The following OPHN1 variants were observed in gnomAD, a reference collection of about 807,000 sequenced individuals.
OPHN1 encodes oligophrenin-1.
In OPHN1, 11 loss-of-function variants were observed where a neutral mutation model predicts 60.7. The observed-to-expected ratio is 0.18, with a 90% CI of 0.11 to 0.30. The LOEUF is 0.30. Among genes scored for constraint, OPHN1 ranks in the 10% least tolerant of loss-of-function variants. The pLI is 1.00. For synonymous variants in OPHN1, 226 were observed against 222.6 expected (o/e 1.02, Z -0.14); for missense variants, 449 against 611.0 (o/e 0.73, Z 2.80).
chrX:68,201,567 G>T, intron 11 of OPHN1, 52 bp downstream of exon 11: 1 of 1,013,549 alleles, frequency 9.9e-7, no homozygotes, highest in Non-Finnish European at 1.4e-6. Context: ...ACCTACCCAG[G>T]CTAAGCATCT....
At chrX:68,069,891 C>T (rs748156801) in intron 20 of OPHN1, among the ~76,000 whole-genome samples, 1 of 110,909 alleles carries the variant, frequency 9.0e-6, no homozygotes, top group Non-Finnish European at 1.9e-5. Flanking sequence ...TAAGGACCTG[C>T]AAGAACAATG....
At chrX:68,401,180 A>C (rs1160028676) in intron 2 of OPHN1, among the ~76,000 whole-genome samples, 2 of 111,894 alleles carry the variant, frequency 1.8e-5, no homozygotes, top group Non-Finnish European at 3.8e-5. Flanking sequence ...TTAGATATAC[A>C]GTAATAAATC....
chrX:68,405,312 T>C (rs186609846), intron 2 of OPHN1, among the ~76,000 whole-genome samples: 2,572 of 111,372 alleles, frequency 0.023, 34 homozygotes, highest in Middle Eastern at 0.037. Context: ...CAAGTGAGCC[T>C]CCTGCCTCAG....
chrX:68,277,650 G>A (rs902094388), intron 4 of OPHN1, among the ~76,000 whole-genome samples: 2 of 110,924 alleles, frequency 1.8e-5, no homozygotes, highest in Non-Finnish European at 3.8e-5. Context: ...AACTAGCCGG[G>A]CGAGGTGGCA....
intron 15 of OPHN1, 83 bp downstream of exon 15, chrX:68,192,836 C>T (rs1471108892): frequency 5.2e-6 from 4 of 772,099 alleles, no homozygotes; most frequent in Middle Eastern, 2.9e-4. Context: ...CACATTTTAG[C>T]AGTGTCTCCT....
chrX:68,394,113 T>A (rs1404712830), intron 2 of OPHN1, among the ~76,000 whole-genome samples: 504 of 79,232 alleles, frequency 6.4e-3, no homozygotes, highest in Admixed American at 7.1e-3. Context: ...GCCAGGATGG[T>A]CTCGATCTCC....
intron 10 of OPHN1, among the ~76,000 whole-genome samples, chrX:68,205,397 G>T (rs1464183962): frequency 9.0e-6 from 1 of 111,012 alleles, no homozygotes; most frequent in East Asian, 2.8e-4. Flanking sequence ...GCTGTGAGCC[G>T]AGATTGTGCC....
intron 15 of OPHN1, among the ~76,000 whole-genome samples, chrX:68,122,445 A>T (rs1267958315): frequency 9.0e-6 from 1 of 111,710 alleles, no homozygotes; most frequent in Non-Finnish European, 1.9e-5. Context: ...ACAGATGAAC[A>T]TTCACAAGCA....
At chrX:68,324,437 T>C (rs1415188304) in intron 2 of OPHN1, among the ~76,000 whole-genome samples, 2 of 97,836 alleles carry the variant, frequency 2.0e-5, no homozygotes, top group Admixed American at 2.2e-4. Flanking sequence ...ACTCCGTCTC[T>C]ACAAAAATTA....
At chrX:68,128,851 G>T (rs956225615) in intron 15 of OPHN1, among the ~76,000 whole-genome samples, 2 of 112,032 alleles carry the variant, frequency 1.8e-5, no homozygotes, top group African/African-American at 6.5e-5. Flanking sequence ...AGTAGTATAA[G>T]AATAGTTAGG....
At chrX:68,324,074 C>T (rs1388159421) in intron 2 of OPHN1, among the ~76,000 whole-genome samples, 1 of 111,467 alleles carries the variant, frequency 9.0e-6, no homozygotes. Flanking sequence ...ATAGCTCTTA[C>T]TAATAGAAAC....
At chrX:68,378,177 G>T (rs1326376060) in intron 2 of OPHN1, among the ~76,000 whole-genome samples, 1 of 112,216 alleles carries the variant, frequency 8.9e-6, no homozygotes, top group Non-Finnish European at 1.9e-5. Context: ...TTCTCTGACG[G>T]CCAGTGATGA....
At chrX:68,405,656 G>C (rs963848137) in intron 2 of OPHN1, among the ~76,000 whole-genome samples, 1 of 111,540 alleles carries the variant, frequency 9.0e-6, no homozygotes, top group Non-Finnish European at 1.9e-5. Flanking sequence ...AGCTGCTGCA[G>C]AATAAGTGAT....
At chrX:68,416,033 AATATAT>A (rs1163304135) in intron 2 of OPHN1, among the ~76,000 whole-genome samples, 92 of 29,677 alleles carry the variant, frequency 3.1e-3, no homozygotes, top group East Asian at 0.024. Flanking sequence ...AAAATTATAT[AATATAT>A]ATATATATAT....
intron 19 of OPHN1, among the ~76,000 whole-genome samples, chrX:68,091,189 T>C (rs1313569259): frequency 9.0e-6 from 1 of 111,404 alleles, no homozygotes; most frequent in Non-Finnish European, 1.9e-5. Context: ...GAAATGGAAA[T>C]ACGATCCATC....
rs758460202 is a variant in OPHN1, at chrX:68,193,874, A to G, written c.1201+16T>C. The G allele has an allele frequency of 6.8e-6, 8 of 1,181,372 alleles. No individual in the cohort carries two copies. The highest frequency in any genetic ancestry group is 6.9e-6 in the Non-Finnish European group (6 of 869,283). ...ACGAGATTCAGACAATGCCAAGACT[A>G]TGGTTCAGATCTTACCTTTGGTCTC... is the stretch of plus-strand genomic sequence containing the variant. On this transcript the variant is annotated intron_variant, in intron 14 of 24. Transcript: ENST00000355520.
chrX:68,098,855 T>C (rs1809302273), intron 18 of OPHN1, among the ~76,000 whole-genome samples: 1 of 111,343 alleles, frequency 9.0e-6, no homozygotes, highest in African/African-American at 3.3e-5. Flanking sequence ...CACAGAATCA[T>C]CACAACTCCA....
At chrX:68,312,032 T>G (rs990056466) in intron 2 of OPHN1, among the ~76,000 whole-genome samples, 1 of 110,022 alleles carries the variant, frequency 9.1e-6, no homozygotes, top group Non-Finnish European at 1.9e-5. Flanking sequence ...CTGATAAAAA[T>G]GAAATTAAAC....
At chrX:68,161,734 T>C (rs2077335167) in intron 15 of OPHN1, among the ~76,000 whole-genome samples, 1 of 110,937 alleles carries the variant, frequency 9.0e-6, no homozygotes. Context: ...TATACCTACC[T>C]AGAGACACTT....
Sources: gnomAD v4.1 joint callset for allele counts (sites outside exome capture counted in the v4.1 genomes callset) on GRCh38, gnomAD v4.1.1 for gene constraint, MANE v1.5 for transcripts, NCBI Gene and HGNC (gene_info 2026-07-23, HGNC 2026-07-21) for gene names.